Variants in SAMSN1 observed in about 807,000 individuals in gnomAD.
SAMSN1 encodes SAM domain-containing protein SAMSN-1.
Under a neutral mutation model 42.0 loss-of-function variants are expected in SAMSN1, and 31 were observed. That is an observed-to-expected ratio of 0.74 (90% CI 0.55 to 1.00). The LOEUF is 1.00. Ranked by LOEUF, SAMSN1 falls within the 50% of genes least tolerant of loss-of-function variation. SAMSN1 has a pLI of 0.00. For synonymous variants in SAMSN1, 178 were observed against 151.9 expected (o/e 1.17, Z -1.26); for missense variants, 464 against 439.4 (o/e 1.06, Z -0.50).
chr21:14,612,328 TA>T (rs1474731677), intron 4 of SAMSN1, among the ~76,000 whole-genome samples: 1 of 152,188 alleles, frequency 6.6e-6, no homozygotes, highest in Admixed American at 6.5e-5. Flanking sequence ...TGCTGTAAAG[TA>T]AAAAGAGAGA....
intron 2 of SAMSN1, among the ~76,000 whole-genome samples, chr21:14,560,198 G>A (rs1036928426): frequency 6.6e-6 from 1 of 152,158 alleles, no homozygotes; most frequent in African/African-American, 2.4e-5. Flanking sequence ...GGTAATTCTT[G>A]AGAAAACATT....
intron 7 of SAMSN1, among the ~76,000 whole-genome samples, chr21:14,591,663 A>C (rs754560141): frequency 2.0e-5 from 3 of 152,316 alleles, no homozygotes; most frequent in Non-Finnish European, 4.4e-5. Context: ...GAGTAGGGAG[A>C]AGAAATGTGC....
At chr21:14,547,282 T>A (rs1220448620), upstream of SAMSN1, among the ~76,000 whole-genome samples, 2 of 152,188 alleles carry the variant, frequency 1.3e-5, no homozygotes, top group Non-Finnish European at 2.9e-5. Flanking sequence ...CGATGCCATA[T>A]ACTGATAATT....
At chr21:14,637,237 C>T (rs1298709408) in intron 2 of SAMSN1, among the ~76,000 whole-genome samples, 1 of 152,054 alleles carries the variant, frequency 6.6e-6, no homozygotes, top group Non-Finnish European at 1.5e-5. Context: ...TGCACTTAAA[C>T]CATTGAAGTT....
chr21:14,611,585 CTG>C (rs1210317625), intron 4 of SAMSN1, among the ~76,000 whole-genome samples: 3 of 152,180 alleles, frequency 2.0e-5, no homozygotes, highest in Non-Finnish European at 2.9e-5. Flanking sequence ...GCAGAATAGA[CTG>C]AGAATGGATC....
At chr21:14,562,079 T>C (rs998292150) in intron 2 of SAMSN1, among the ~76,000 whole-genome samples, 1 of 152,226 alleles carries the variant, frequency 6.6e-6, no homozygotes, top group Non-Finnish European at 1.5e-5. Flanking sequence ...AAAACCAATA[T>C]ACTATGCTCA....
chr21:14,560,422 A>G (rs1446045835), intron 2 of SAMSN1, among the ~76,000 whole-genome samples: 1 of 152,166 alleles, frequency 6.6e-6, no homozygotes, highest in East Asian at 1.9e-4. Flanking sequence ...AGCTAACTTT[A>G]GGAAGAATTT....
chr21:14,531,366 TTATGTC>T (rs1348114845), intron 1 of SAMSN1, among the ~76,000 whole-genome samples: 1 of 152,066 alleles, frequency 6.6e-6, no homozygotes, highest in African/African-American at 2.4e-5. Flanking sequence ...AAAAGAGAAA[TTATGTC>T]TATTCAATTT....
upstream of SAMSN1, among the ~76,000 whole-genome samples, chr21:14,584,510 G>A (rs1981858420): frequency 6.6e-6 from 1 of 152,098 alleles, no homozygotes; most frequent in African/African-American, 2.4e-5. Flanking sequence ...TATTTATACA[G>A]CTTTTACTTA....
intron 5 of SAMSN1, chr21:14,609,464 A>C (rs1231889308): frequency 1.4e-6 from 1 of 717,654 alleles, no homozygotes; most frequent in African/African-American, 1.7e-5. Context: ...AGTCAGCTGA[A>C]CTAAATTTAG....
Position 14,485,555 on chromosome 21 carries a change from A to G in SAMSN1, c.*357T>C, listed in dbSNP as rs574411299. The stretch of plus-strand genomic sequence containing the variant: ...TTACTATTTGTTCAATAACATATAT[A>G]AATTCAAAACTGGCAGGTATGAAAA... On this transcript the variant is annotated 3_prime_UTR_variant, in exon 8 of 8. Coordinates refer to ENST00000400566, the MANE Select transcript of SAMSN1 (RefSeq NM_022136.5). The G allele has an allele frequency of 5.7e-6, 1 of 173,958 alleles. No individual in the cohort carries two copies. Among genetic ancestry groups the G allele is most frequent in the African/African-American group, 2.4e-5 (1 of 41,826 alleles). 10.8% of individuals were successfully genotyped at this position (173,958 alleles called of 1,614,324 possible).
chr21:14,596,352 T>C (rs1982262363), intron 6 of SAMSN1, among the ~76,000 whole-genome samples: 1 of 152,154 alleles, frequency 6.6e-6, no homozygotes, highest in African/African-American at 2.4e-5. Context: ...TAAGTTATAA[T>C]CCTGCTCTTT....
At chr21:14,617,155 A>G (rs1445371336) in intron 2 of SAMSN1, among the ~76,000 whole-genome samples, 1 of 152,110 alleles carries the variant, frequency 6.6e-6, no homozygotes, top group East Asian at 1.9e-4. Context: ...TGTAGGGAAG[A>G]GGTGGTGGAT....
intron 2 of SAMSN1, among the ~76,000 whole-genome samples, chr21:14,519,008 C>CTACAAAGAAATTAT (rs1568782493): frequency 5.3e-5 from 8 of 152,080 alleles, no homozygotes; most frequent in African/African-American, 1.9e-4. Flanking sequence ...GTTTTTCTAG[C>CTACAAAGAAATTAT]GTTATTTACA....
exon 3 of SAMSN1, chr21:14,615,999 C>A: frequency 1.7e-6 from 1 of 585,800 alleles, no homozygotes; most frequent in Non-Finnish European, 3.2e-6. Flanking sequence ...GTTTTGCATT[C>A]TCTAAATTAG....
intron 5 of SAMSN1, among the ~76,000 whole-genome samples, chr21:14,605,247 T>C (rs1367238722): frequency 1.3e-5 from 2 of 152,234 alleles, no homozygotes; most frequent in African/African-American, 2.4e-5. Context: ...CTAAGATTCA[T>C]TTGTATAAAA....
chr21:14,631,835 T>A (rs1983339457), intron 2 of SAMSN1, among the ~76,000 whole-genome samples: 1 of 152,150 alleles, frequency 6.6e-6, no homozygotes, highest in South Asian at 2.1e-4. Flanking sequence ...CTCTAGATAT[T>A]TTGAATATAT....
At chr21:14,582,378 T>C (rs1375351693) in exon 2 of SAMSN1, 9 of 1,550,016 alleles carry the variant, frequency 5.8e-6, no homozygotes, top group African/African-American at 1.4e-5. Flanking sequence ...GCAGAAAGAG[T>C]ATCCAATCTA....
chr21:14,498,400 A>G (rs1199351024), intron 7 of SAMSN1, 42 bp downstream of exon 7: 1 of 1,548,366 alleles, frequency 6.5e-7, no homozygotes, highest in East Asian at 2.3e-5. Context: ...TTTACATTAA[A>G]CTGATTATCA....
Sources: allele counts gnomAD v4.1 joint callset (sites outside exome capture counted in the v4.1 genomes callset), GRCh38; gene constraint gnomAD v4.1.1; transcripts MANE v1.5; gene names NCBI Gene and HGNC (gene_info 2026-07-23, HGNC 2026-07-21).